Variants in NCAM2 observed in about 807,000 individuals in gnomAD.
The protein encoded by NCAM2 is N-CAM-2.
A neutral mutation model predicts 98.1 loss-of-function variants in NCAM2; 30 were observed. That is an observed-to-expected ratio of 0.31 (90% CI 0.23 to 0.41). NCAM2 has a LOEUF of 0.41. Ranked by LOEUF, NCAM2 falls within the 10% of genes least tolerant of loss-of-function variation. The probability of loss-of-function intolerance (pLI) is 1.00; values close to 1 mark genes in which losing one functional copy is unlikely to be tolerated. For missense variants in NCAM2, 867 were observed against 1,005.8 expected, an observed-to-expected ratio of 0.86 and a Z score of 1.87; for synonymous variants, 368 against 342.4, an observed-to-expected ratio of 1.07 and a Z score of -0.83.
intron 15 of NCAM2, among the ~76,000 whole-genome samples, chr21:21,491,040 A>G (rs915188389): frequency 4.0e-5 from 6 of 151,808 alleles, no homozygotes; most frequent in African/African-American, 1.4e-4. Context: ...GAGTGTTGTC[A>G]TATCTAACTT....
intron 1 of NCAM2, among the ~76,000 whole-genome samples, chr21:21,089,459 A>T (rs2065969546): frequency 6.6e-6 from 1 of 152,152 alleles, no homozygotes; most frequent in African/African-American, 2.4e-5. Context: ...ATTTTAAAAA[A>T]CCACACTTTT....
chr21:21,391,978 G>A (rs2076390770), intron 9 of NCAM2, among the ~76,000 whole-genome samples: 1 of 152,104 alleles, frequency 6.6e-6, no homozygotes, highest in Admixed American at 6.5e-5. Flanking sequence ...TACAAGTACT[G>A]GTTTGTTACA....
Position 21,542,159 on chromosome 21 carries a change from A to AT in NCAM2, c.*4203dup, listed in dbSNP as rs1045566015. The AT allele has an allele frequency of 6.6e-6, 1 of 151,892 alleles. No individual in the cohort carries two copies. Among genetic ancestry groups the AT allele is most frequent in the African/African-American group, 2.4e-5 (1 of 41,436 alleles). The allele number at this position is 151,892 out of a possible 1,614,324, so 9.4% of individuals were successfully genotyped here. On this transcript the variant is annotated 3_prime_UTR_variant, in exon 18 of 18. Transcript: ENST00000400546. ...AATTTTATGTCCAAATGAGAAATTT[A>AT]TAAAAAGACCCACATATAGTAGTTG...
intron 1 of NCAM2, among the ~76,000 whole-genome samples, chr21:21,205,374 T>C (rs1256473945): frequency 1.3e-5 from 2 of 152,144 alleles, no homozygotes; most frequent in Non-Finnish European, 2.9e-5. Flanking sequence ...TGCGTACCAG[T>C]GGAATCAGAA....
intron 14 of NCAM2, among the ~76,000 whole-genome samples, chr21:21,476,768 T>G (rs1365880674): frequency 6.6e-6 from 1 of 152,042 alleles, no homozygotes; most frequent in African/African-American, 2.4e-5. Context: ...GTATATTATT[T>G]TATGTCATAA....
intron 5 of NCAM2, among the ~76,000 whole-genome samples, chr21:21,314,823 T>G (rs925693733): frequency 3.3e-5 from 5 of 152,164 alleles, no homozygotes; most frequent in South Asian, 4.1e-4. Flanking sequence ...TTTAAAAATA[T>G]ATCGTATGTC....
chr21:21,016,949 A>C (rs1159969966), intron 1 of NCAM2, among the ~76,000 whole-genome samples: 1 of 152,182 alleles, frequency 6.6e-6, no homozygotes, highest in East Asian at 1.9e-4. Context: ...AATAAACCAA[A>C]ATGCATACCC....
At chr21:21,042,622 A>G (rs1405690542) in intron 1 of NCAM2, among the ~76,000 whole-genome samples, 1 of 152,174 alleles carries the variant, frequency 6.6e-6, no homozygotes, top group Non-Finnish European at 1.5e-5. Context: ...TGCCATCTCT[A>G]AATGAGGAAT....
At chr21:21,453,847 C>T (rs1221436046) in intron 12 of NCAM2, among the ~76,000 whole-genome samples, 3 of 151,920 alleles carry the variant, frequency 2.0e-5, no homozygotes, top group Non-Finnish European at 4.4e-5. Context: ...TTGAATTAGT[C>T]CTTAGAATAT....
intron 8 of NCAM2, among the ~76,000 whole-genome samples, chr21:21,342,837 C>A (rs2075081324): frequency 6.6e-6 from 1 of 152,122 alleles, no homozygotes; most frequent in Non-Finnish European, 1.5e-5. Context: ...ATTCCCATGA[C>A]TTAAGTCCAA....
chr21:21,407,246 A>G lies in NCAM2; in HGVS notation c.1196-3028A>G, dbSNP rs181723733. Among the ~76,000 whole-genome samples, 3 of 152,314 alleles carry G rather than the reference A, an allele frequency of 2.0e-5. No individual in the cohort carries two copies. In the East Asian group the frequency reaches 5.8e-4, roughly 29 times the overall value. Reference sequence around the variant, plus strand: ...ATATCGCTGCCTTGCTACTGTATTGATATTTACAAAGCATATCCTGTATAG... The same window carrying G: ...ATATCGCTGCCTTGCTACTGTATTGGTATTTACAAAGCATATCCTGTATAG... On this transcript the variant is annotated intron_variant, in intron 9 of 17. Transcript: ENST00000400546.
Position 21,425,423 on chromosome 21 carries a change from T to G in NCAM2, c.1481-6685T>G, listed in dbSNP as rs1327088440. ...ATGGTTCATTGTGTTATATTTGATTTGCTTATGACCCATTGTTGAAATGCC... is the reference window on the plus strand; with the variant it reads ...ATGGTTCATTGTGTTATATTTGATTGGCTTATGACCCATTGTTGAAATGCC... On this transcript the variant is annotated intron_variant, in intron 11 of 17. Coordinates refer to ENST00000400546, the MANE Select transcript of NCAM2 (RefSeq NM_004540.5). 2.0e-5 allele frequency among the ~76,000 whole-genome samples: 3 copies of G among 152,206 alleles called. No individual in the cohort carries two copies. In the East Asian group the frequency reaches 5.8e-4, roughly 29 times the overall value.
chr21:21,091,256 A>T (rs1331339346), intron 1 of NCAM2, among the ~76,000 whole-genome samples: 1 of 152,152 alleles, frequency 6.6e-6, no homozygotes, highest in African/African-American at 2.4e-5. Flanking sequence ...GTAATTATAT[A>T]GTTCTGCTGT....
At chr21:21,253,937 G>A (rs942001105) in intron 1 of NCAM2, among the ~76,000 whole-genome samples, 28 of 152,222 alleles carry the variant, frequency 1.8e-4, no homozygotes, top group East Asian at 3.9e-4. Flanking sequence ...GATTTTATCC[G>A]AGTATACAGG....
chr21:21,277,498 G>C (rs558791502), intron 1 of NCAM2, among the ~76,000 whole-genome samples: 94 of 152,136 alleles, frequency 6.2e-4, no homozygotes, highest in African/African-American at 2.2e-3. Context: ...AGCCATGAGG[G>C]GTTGTATAGA....
At chr21:21,458,533 T>A (rs964693164) in intron 12 of NCAM2, among the ~76,000 whole-genome samples, 1 of 152,148 alleles carries the variant, frequency 6.6e-6, no homozygotes, top group Non-Finnish European at 1.5e-5. Flanking sequence ...GGTGCCTTTA[T>A]TAGATAGACC....
chr21:21,319,856 C>T (rs1251009978), intron 5 of NCAM2, among the ~76,000 whole-genome samples: 1 of 152,094 alleles, frequency 6.6e-6, no homozygotes, highest in Non-Finnish European at 1.5e-5. Context: ...AACAATTTTT[C>T]ATTGTTTTTG....
Position 21,367,448 on chromosome 21 carries a change from T to C in NCAM2, c.1045-6415T>C, listed in dbSNP as rs1602123251. On this transcript the variant is annotated intron_variant, in intron 8 of 17. Transcript: ENST00000400546. Reference sequence around the variant, plus strand: ...GTATTTTGTCTTTTACTAAATATATTATGTATTGGCCATGGAAAAATACTA... The same window carrying C: ...GTATTTTGTCTTTTACTAAATATATCATGTATTGGCCATGGAAAAATACTA... Among the ~76,000 whole-genome samples the C allele has an allele frequency of 2.0e-5, 3 of 152,122 alleles. No homozygotes were observed. The South Asian group carries it at 6.2e-4, about 31-fold the overall frequency.
rs139822943 is a variant in NCAM2, at chr21:21,154,129, G to A, written c.56-126449G>A. On this transcript the variant is annotated intron_variant, in intron 1 of 17. Transcript: ENST00000400546. ...TGGCACTTAAATTATGGGTTTCCAC[G>A]ATATATGGGGATAGAATAACAAGTT... 3.8e-3 allele frequency among the ~76,000 whole-genome samples: 571 copies of A among 151,830 alleles called. 5 individuals carry two copies. Among genetic ancestry groups the A allele is most frequent in the African/African-American group, 0.013 (528 of 41,482 alleles).
Sources: gnomAD v4.1 joint callset for allele counts (sites outside exome capture counted in the v4.1 genomes callset) on GRCh38, gnomAD v4.1.1 for gene constraint, MANE v1.5 for transcripts, NCBI Gene and HGNC (gene_info 2026-07-23, HGNC 2026-07-21) for gene names.